The following ZNF750 variants were observed in gnomAD, a reference collection of about 807,000 sequenced individuals.
ZNF750 encodes protein ZNF750.
ZNF750 carries 10 observed loss-of-function variants against 31.6 expected under a neutral mutation model. The observed-to-expected ratio is 0.32, with a 90% CI of 0.19 to 0.54. The LOEUF (loss-of-function observed/expected upper bound fraction) is 0.54, where lower values mean the gene tolerates loss of function less well. Ranked by LOEUF, ZNF750 falls within the 20% of genes least tolerant of loss-of-function variation. The probability of loss-of-function intolerance (pLI) is 0.95; values close to 1 mark genes in which losing one functional copy is unlikely to be tolerated. For synonymous variants in ZNF750, 400 were observed against 404.9 expected (o/e 0.99, Z 0.15); for missense variants, 914 against 934.9 (o/e 0.98, Z 0.29).
In ZNF750 at chr17:82,835,616, G is replaced by A. The variant is rs1444277583; in HGVS notation, c.-182-2980C>T. ...TTTTTTGTAATTTTAGTAGAGATGG[G>A]GTTTCACTATGTTGGCCCGGCTGGT... On this transcript the variant is annotated intron_variant, in intron 1 of 2. Coordinates refer to ENST00000269394, the MANE Select transcript of ZNF750 (RefSeq NM_024702.3). This position sits in a 1 kb window ranked among gnomAD's most constrained non-coding sequence, Gnocchi z 4.5. Among the ~76,000 whole-genome samples, 2 of 151,942 alleles carry A rather than the reference G, an allele frequency of 1.3e-5. No individual in the cohort carries two copies. The highest frequency in any genetic ancestry group is 3.9e-4 in the East Asian group (2 of 5,176).
chr17:82,832,227 G>A lies in ZNF750; in HGVS notation c.228C>T (p.Thr76=), dbSNP rs368037376. 10 of 1,614,228 alleles carry A rather than the reference G, an allele frequency of 6.2e-6. No homozygotes were observed. The highest frequency in any genetic ancestry group is 8.5e-6 in the Non-Finnish European group (10 of 1,180,050). The change falls in exon 2 of 3, where the codon ACC becomes ACT. Residue 76 remains threonine (T), a synonymous_variant. Coordinates refer to ENST00000269394, the MANE Select transcript of ZNF750 (RefSeq NM_024702.3). The surrounding 1 kb of genome is among the most constrained non-coding windows in gnomAD (Gnocchi z 4.9). ...PKSNSLDPKQ[T]NQPDATAKPA... ...GCTTCGCCGTGGCATCGGGCTGGTT[G>A]GTTTGCTTGGGGTCTAGTGAGTTAG...
Position 82,830,893 on chromosome 17 carries a change from A to T in ZNF750, c.1437-16T>A. On this transcript the variant is annotated splice_polypyrimidine_tract_variant and intron_variant, in intron 2 of 2. Coordinates refer to ENST00000269394, the MANE Select transcript of ZNF750 (RefSeq NM_024702.3). ...AACATTGAGGCTAGAAGAAGCCAAG[A>T]AAAAGCTTAGTAGGAGCTTGCTTAG... The T allele has an allele frequency of 9.9e-6, 16 of 1,612,830 alleles. No homozygotes were observed. Among genetic ancestry groups the T allele is most frequent in the Non-Finnish European group, 1.4e-5 (16 of 1,180,010 alleles).
rs1221424759 is a variant in ZNF750, at chr17:82,833,130, G to A, written c.-182-494C>T. Among the ~76,000 whole-genome samples, 3 of 152,074 alleles carry A rather than the reference G, an allele frequency of 2.0e-5. No individual in the cohort carries two copies. The highest frequency in any genetic ancestry group is 7.2e-5 in the African/African-American group (3 of 41,392). On this transcript the variant is annotated intron_variant, in intron 1 of 2. Transcript: ENST00000269394. This position sits in a 1 kb window ranked among gnomAD's most constrained non-coding sequence, Gnocchi z 4.7. ...TCGGCCACACTCTCACGTGAAATAC[G>A]AAGGGGTTTGTGGCTGTTTCCCCTT...
rs1217839333 is a variant in ZNF750, at chr17:82,830,708, G to A, written c.1606C>T (p.Pro536Ser). ...GAGAAGCTGGCGGTTTCCGCCTGGG[G>A]GCTGCCTTGGTACGTGGGTTCGTGG... ...ATHEPTYQGSPQAETASFSEL... is the reference protein window; with the variant it reads ...ATHEPTYQGSSQAETASFSEL... Residue 536 changes from proline to serine, a missense_variant, in exon 3 of 3, where the codon CCC becomes TCC. Pro to Ser is a moderately conservative substitution (Grantham distance 74). Around this residue, in one of 2 missense-constraint regions of ZNF750, gnomAD observed 880 missense variants for 868.9 expected, o/e 1.01. Coordinates refer to ENST00000269394, the MANE Select transcript of ZNF750 (RefSeq NM_024702.3). 1.9e-6 allele frequency: 3 copies of A among 1,614,038 alleles called. No individual in the cohort carries two copies. Among genetic ancestry groups the A allele is most frequent in the Middle Eastern group, 1.6e-4 (1 of 6,084 alleles).
At position 82,831,525 on chromosome 17, in the gene ZNF750, T is replaced by C; in HGVS notation, c.930A>G (p.Gln310=). 1 of 1,614,062 alleles carries C rather than the reference T, an allele frequency of 6.2e-7. No homozygotes were observed. The highest frequency in any genetic ancestry group is 8.5e-7 in the Non-Finnish European group (1 of 1,179,998). The change falls in exon 2 of 3, where the codon CAA becomes CAG. Residue 310 remains glutamine, a synonymous_variant. Transcript: ENST00000269394. This position sits in a 1 kb window ranked among gnomAD's most constrained non-coding sequence, Gnocchi z 4.6. The part of the protein sequence containing the change: ...ATYDHYRFFQ[Q]YPSNLPIPYG... ...AAGGAATCGGCAGGTTAGAGGGATA[T>C]TGCTGGAAAAACCTGTAGTGATCGT...
At chr17:82,839,030 T>G (rs533432002) in intron 1 of ZNF750, 1 of 949,722 alleles carries the variant, frequency 1.1e-6, no homozygotes, top group Admixed American at 6.2e-5. Flanking sequence ...CTTTTGTATC[T>G]GTGTCTATAT....
rs745650014 is a variant in ZNF750 at position 82,833,044 on chromosome 17, C to T, written c.-182-408G>A. On this transcript the variant is annotated intron_variant, in intron 1 of 2. Transcript: ENST00000269394. This position sits in a 1 kb window ranked among gnomAD's most constrained non-coding sequence, Gnocchi z 4.7. ...CCCCCTCCCAGGGTCTGGACAGAGT[C>T]CTGTCCCAGGGCTGCCCGACTCTGC... 6.6e-6 allele frequency among the ~76,000 whole-genome samples: 1 copy of T among 152,116 alleles called. No individual in the cohort carries two copies. Among genetic ancestry groups the T allele is most frequent in the Non-Finnish European group, 1.5e-5 (1 of 68,030 alleles).
Position 82,831,304 on chromosome 17 carries a change from G to A in ZNF750, c.1151C>T (p.Ala384Val), listed in dbSNP as rs768086223. Residue 384 changes from alanine to valine, a missense_variant, in exon 2 of 3, where the codon GCT (alanine) becomes GTT (valine). Physicochemically the swap from Ala to Val is moderately conservative, Grantham distance 64. This residue lies in a region of ZNF750 where 880 missense variants were observed against 868.9 expected (regional missense o/e 1.01). Transcript: ENST00000269394. This position sits in a 1 kb window ranked among gnomAD's most constrained non-coding sequence, Gnocchi z 4.6. Reference sequence around the variant, plus strand: ...CTGCCCAGCCTTGGAGGAGTCTTTAGCCTCAGGAATTGGACTTTCGAACTC... The same window carrying A: ...CTGCCCAGCCTTGGAGGAGTCTTTAACCTCAGGAATTGGACTTTCGAACTC... ...HVEFESPIPE[A>V]KDSSKAGQRD... The A allele has an allele frequency of 6.2e-7, 1 of 1,613,962 alleles. No homozygotes were observed. Among genetic ancestry groups the A allele is most frequent in the East Asian group, 2.2e-5 (1 of 44,880 alleles).
chr17:82,836,694 A>AAAAAC (rs985685648), intron 1 of ZNF750, among the ~76,000 whole-genome samples: 4 of 151,318 alleles, frequency 2.6e-5, no homozygotes, highest in East Asian at 1.9e-4. Flanking sequence ...AGGCAAAAAA[A>AAAAAC]AAAACAAAAC....
At chr17:82,834,259 C>CT (rs1226232825) in intron 1 of ZNF750, among the ~76,000 whole-genome samples, 3 of 152,170 alleles carry the variant, frequency 2.0e-5, no homozygotes, top group Non-Finnish European at 4.4e-5. Context: ...AGAACAAAGG[C>CT]TTTGAGAGTC....
chr17:82,830,082 T>G lies in ZNF750; in HGVS notation c.*60A>C. On this transcript the variant is annotated 3_prime_UTR_variant, in exon 3 of 3. Coordinates refer to ENST00000269394, the MANE Select transcript of ZNF750 (RefSeq NM_024702.3). ...GTGCCAGTTCAGAGGTGTTGTAGCT[T>G]GCCACCTTGGAAGGCGTGTGTGTGG... 6.2e-7 allele frequency: 1 copy of G among 1,608,378 alleles called. No homozygotes were observed. The highest frequency in any genetic ancestry group is 1.1e-5 in the South Asian group (1 of 90,950).
In ZNF750 at chr17:82,832,146, C is replaced by T. The variant is rs2053577515; in HGVS notation, c.309G>A (p.Gln103=). 1 of 1,614,220 alleles carries T rather than the reference C, an allele frequency of 6.2e-7. No homozygotes were observed. Among genetic ancestry groups the T allele is most frequent in the Admixed American group, 1.7e-5 (1 of 60,036 alleles). ...TGATGTCTTCCCTGGCAGAGCTGTGCTGAAGCTTCGAGTCGAAGGCAGAGA... is the reference window on the plus strand; with the variant it reads ...TGATGTCTTCCCTGGCAGAGCTGTGTTGAAGCTTCGAGTCGAAGGCAGAGA... ...NGLSAFDSKL[Q]HSSAREDIKE... is the part of the protein sequence containing the mutation. The change falls in exon 2 of 3, where the codon CAG becomes CAA. Residue 103 remains glutamine (Q), a synonymous_variant. Coordinates refer to ENST00000269394, the MANE Select transcript of ZNF750 (RefSeq NM_024702.3). This position sits in a 1 kb window ranked among gnomAD's most constrained non-coding sequence, Gnocchi z 4.9.
chr17:82,838,549 G>T, intron 1 of ZNF750: 4 of 643,618 alleles, frequency 6.2e-6, no homozygotes, highest in Non-Finnish European at 7.7e-6. Context: ...ACAATATTGT[G>T]ATGTGGCGTT....
rs1223443858 is a variant in ZNF750 at position 82,832,999 on chromosome 17, C to T, written c.-182-363G>A. Among the ~76,000 whole-genome samples the T allele has an allele frequency of 2.6e-5, 4 of 152,114 alleles. No individual in the cohort carries two copies. Among genetic ancestry groups the T allele is most frequent in the East Asian group, 1.9e-4 (1 of 5,176 alleles). ...GGACCTTTCCTCGAAAGCGCCCTGC[C>T]GGGGGCTGAGGACACCGAGCCCCCT... On this transcript the variant is annotated intron_variant, in intron 1 of 2. Transcript: ENST00000269394. This position sits in a 1 kb window ranked among gnomAD's most constrained non-coding sequence, Gnocchi z 4.9.
chr17:82,839,191 G>A (rs2054247148), intron 1 of ZNF750, among the ~76,000 whole-genome samples: 1 of 152,002 alleles, frequency 6.6e-6, no homozygotes. Context: ...TAGTAAATTC[G>A]GCACTGTCTA....
chr17:82,830,889 C>T lies in ZNF750; in HGVS notation c.1437-12G>A, dbSNP rs767340312. On this transcript the variant is annotated splice_polypyrimidine_tract_variant and intron_variant, in intron 2 of 2. Transcript: ENST00000269394. ...TCACAACATTGAGGCTAGAAGAAGCCAAGAAAAAGCTTAGTAGGAGCTTGC... is the reference window on the plus strand; with the variant it reads ...TCACAACATTGAGGCTAGAAGAAGCTAAGAAAAAGCTTAGTAGGAGCTTGC... The T allele has an allele frequency of 6.2e-7, 1 of 1,612,686 alleles. No individual in the cohort carries two copies. The highest frequency in any genetic ancestry group is 8.5e-7 in the Non-Finnish European group (1 of 1,180,012).
At position 82,832,250 on chromosome 17, in the gene ZNF750, T is replaced by C. The variant is rs751118060; in HGVS notation, c.205A>G (p.Asn69Asp). 1 of 1,614,230 alleles carries C rather than the reference T, an allele frequency of 6.2e-7. No homozygotes were observed. The highest frequency in any genetic ancestry group is 2.2e-5 in the East Asian group (1 of 44,884). Reference protein sequence around the residue: ...QDRVPKCPKSNSLDPKQTNQP... With the variant: ...QDRVPKCPKSDSLDPKQTNQP... ...TTGGTTTGCTTGGGGTCTAGTGAGT[T>C]AGATTTAGGGCACTTGGGAACTCGA... The change falls in exon 2 of 3, where the codon AAC becomes GAC. Residue 69 changes from asparagine (N) to aspartate (D), a missense_variant. This residue lies in a region of ZNF750 where 880 missense variants were observed against 868.9 expected (regional missense o/e 1.01). Coordinates refer to ENST00000269394, the MANE Select transcript of ZNF750 (RefSeq NM_024702.3). The surrounding 1 kb of genome is among the most constrained non-coding windows in gnomAD (Gnocchi z 4.9).
At chr17:82,836,273 C>G (rs527881510) in intron 1 of ZNF750, among the ~76,000 whole-genome samples, 2 of 152,198 alleles carry the variant, frequency 1.3e-5, no homozygotes, top group Non-Finnish European at 2.9e-5. Context: ...CGGCATGCCT[C>G]GCCGCGCTCC....
chr17:82,838,779 A>C (rs2054201281), intron 1 of ZNF750: 1 of 985,318 alleles, frequency 1.0e-6, no homozygotes, highest in South Asian at 4.7e-5. Flanking sequence ...CCAGAAAAAC[A>C]ACCAGGGGCT....
Sources: gnomAD v4.1 joint callset for allele counts (sites outside exome capture counted in the v4.1 genomes callset) on GRCh38, gnomAD v4.1.1 for gene constraint, gnomAD v4.1.1 regional missense constraint, Gnocchi (gnomAD v3.1) non-coding constraint, MANE v1.5 for transcripts, NCBI Gene and HGNC (gene_info 2026-07-23, HGNC 2026-07-21) for gene names.